Variants in GRIK2 observed in about 807,000 individuals in gnomAD.
GRIK2 encodes the protein glutamate receptor ionotropic, kainate 2.
A neutral mutation model predicts 100.3 loss-of-function variants in GRIK2; 32 were observed. The observed-to-expected ratio is 0.32, with a 90% confidence interval of 0.24 to 0.43. The LOEUF is 0.43. Ranked by LOEUF, GRIK2 falls within the 20% of genes least tolerant of loss-of-function variation. GRIK2 has a pLI of 1.00. For missense variants in GRIK2, 843 were observed against 1,114.9 expected, an observed-to-expected ratio of 0.76 and a Z score of 3.47; for synonymous variants, 417 against 389.4, an observed-to-expected ratio of 1.07 and a Z score of -0.83.
intron 4 of GRIK2, among the ~76,000 whole-genome samples, chr6:101,632,033 T>C (rs1293395325): frequency 6.6e-6 from 1 of 152,058 alleles, no homozygotes; most frequent in Non-Finnish European, 1.5e-5. Flanking sequence ...TTGTTGAAAA[T>C]AATCTTCTGT....
intron 10 of GRIK2, among the ~76,000 whole-genome samples, chr6:101,843,764 G>T (rs1239837467): frequency 6.6e-6 from 1 of 152,164 alleles, no homozygotes; most frequent in East Asian, 1.9e-4. Context: ...ATTTCTGGGG[G>T]TAAGGCCCAG....
At chr6:101,757,752 A>G (rs990478338) in intron 7 of GRIK2, among the ~76,000 whole-genome samples, 1 of 152,216 alleles carries the variant, frequency 6.6e-6, no homozygotes, top group African/African-American at 2.4e-5. Context: ...CCTTCCAGGT[A>G]CAGTTTGAAA....
chr6:101,967,150 T>G (rs932365376), intron 14 of GRIK2, among the ~76,000 whole-genome samples: 23 of 151,876 alleles, frequency 1.5e-4, no homozygotes, highest in African/African-American at 5.1e-4. Flanking sequence ...TTTATTTTAT[T>G]AGTAACCTAG....
chr6:101,594,044 C>T (rs1348850898), intron 2 of GRIK2, among the ~76,000 whole-genome samples: 1 of 151,728 alleles, frequency 6.6e-6, no homozygotes, highest in Non-Finnish European at 1.5e-5. Flanking sequence ...AAAACATTAA[C>T]CTAAATTCAC....
chr6:101,978,365 CT>C (rs1251340669), intron 14 of GRIK2, among the ~76,000 whole-genome samples: 4 of 151,954 alleles, frequency 2.6e-5, no homozygotes, highest in African/African-American at 9.7e-5. Context: ...TGATCTGGAA[CT>C]TTAAAAATGG....
At position 101,595,928 on chromosome 6, in the gene GRIK2, G is replaced by A. The variant is rs144689233; in HGVS notation, c.116-26021G>A. Among the ~76,000 whole-genome samples, 6 of 147,824 alleles carry A rather than the reference G, an allele frequency of 4.1e-5. No homozygotes were observed. The East Asian group carries it at 1.2e-3, about 30-fold the overall frequency. ...TACCCTTTTATTTACCTCTGCCCCG[G>A]TGTTCAGCTAAATATAATTCATTAA... On this transcript the variant is annotated intron_variant, in intron 2 of 16. Transcript: ENST00000369134.
intron 2 of GRIK2, among the ~76,000 whole-genome samples, chr6:101,549,031 A>G (rs760877261): frequency 6.6e-6 from 1 of 152,136 alleles, no homozygotes; most frequent in Non-Finnish European, 1.5e-5. Context: ...TTATATCATC[A>G]AAGTTTTGAG....
At chr6:101,804,019 C>A (rs535442593) in intron 9 of GRIK2, among the ~76,000 whole-genome samples, 1 of 151,752 alleles carries the variant, frequency 6.6e-6, no homozygotes, top group Non-Finnish European at 1.5e-5. Context: ...CCTCAAGGGG[C>A]TTTTCATGTA....
At chr6:101,611,722 C>T (rs1779684435) in intron 2 of GRIK2, among the ~76,000 whole-genome samples, 1 of 151,724 alleles carries the variant, frequency 6.6e-6, no homozygotes, top group Admixed American at 6.6e-5. Context: ...AGACACTCCT[C>T]CTCGCCTGGA....
chr6:101,403,643 A>G (rs566053023), intron 2 of GRIK2, among the ~76,000 whole-genome samples: 1 of 152,346 alleles, frequency 6.6e-6, no homozygotes, highest in South Asian at 2.1e-4. Context: ...GTACTGCAAC[A>G]TCGAATAGTG....
At chr6:101,433,796 A>G (rs1240415858) in intron 2 of GRIK2, among the ~76,000 whole-genome samples, 1 of 152,042 alleles carries the variant, frequency 6.6e-6, no homozygotes, top group East Asian at 1.9e-4. Flanking sequence ...AAAAGAGAAA[A>G]CTCTACATTT....
rs994317679 is a variant in GRIK2, at chr6:101,753,154, C to T, written c.952-46494C>T. Among the ~76,000 whole-genome samples, 5 of 151,676 alleles carry T rather than the reference C, an allele frequency of 3.3e-5. No individual in the cohort carries two copies. In the South Asian group the frequency reaches 8.3e-4, roughly 25 times the overall value. ...AAAATTAGCCTGGCGTGGTGGCGGG[C>T]GCCTGTAGTCCCAGCTACTTGGAGA... is the stretch of plus-strand genomic sequence containing the variant. On this transcript the variant is annotated intron_variant, in intron 7 of 16. Transcript: ENST00000369134.
chr6:101,617,237 A>T (rs1779931651), intron 2 of GRIK2, among the ~76,000 whole-genome samples: 1 of 151,732 alleles, frequency 6.6e-6, no homozygotes, highest in Non-Finnish European at 1.5e-5. Context: ...GTATCCAAGC[A>T]CTCAGATTAA....
rs192732330 is a variant in GRIK2, at chr6:101,514,499, A to C, written c.116-107450A>C. Among the ~76,000 whole-genome samples the C allele has an allele frequency of 2.9e-3, 440 of 152,274 alleles. 3 individuals are homozygous for C. Among genetic ancestry groups the C allele is most frequent in the African/African-American group, 0.01 (429 of 41,574 alleles). On this transcript the variant is annotated intron_variant, in intron 2 of 16. Transcript: ENST00000369134. ...ATATTATTTTTTAAAGAACTCATTTAATGTTAAACTTATAATTTCTCTAAT... is the reference window on the plus strand; with the variant it reads ...ATATTATTTTTTAAAGAACTCATTTCATGTTAAACTTATAATTTCTCTAAT...
chr6:101,616,512 G>C (rs1241247243), intron 2 of GRIK2, among the ~76,000 whole-genome samples: 1 of 151,600 alleles, frequency 6.6e-6, no homozygotes, highest in Non-Finnish European at 1.5e-5. Context: ...TAAATATATA[G>C]TATTTTATTA....
At position 101,612,430 on chromosome 6, in the gene GRIK2, C is replaced by G. The variant is rs966362182; in HGVS notation, c.116-9519C>G. On this transcript the variant is annotated intron_variant, in intron 2 of 16. Transcript: ENST00000369134. ...TTTTTATTAATGTTTGTAAAATACA[C>G]AGTGCCTGATGTAGCGTATGATGTC... Among the ~76,000 whole-genome samples the G allele has an allele frequency of 5.3e-5, 8 of 151,772 alleles. 1 individual carries two copies. Among genetic ancestry groups the G allele is most frequent in the Non-Finnish European group, 1.2e-4 (8 of 67,856 alleles).
chr6:101,848,200 C>T (rs1246629059), intron 10 of GRIK2, among the ~76,000 whole-genome samples: 1 of 152,076 alleles, frequency 6.6e-6, no homozygotes, highest in Non-Finnish European at 1.5e-5. Flanking sequence ...AATTAATATG[C>T]CACAGAGCTC....
chr6:101,963,738 G>A (rs1344694621), intron 14 of GRIK2, among the ~76,000 whole-genome samples: 2 of 151,766 alleles, frequency 1.3e-5, no homozygotes, highest in Non-Finnish European at 2.9e-5. Flanking sequence ...CATATTATAT[G>A]TATATATGCT....
intron 7 of GRIK2, among the ~76,000 whole-genome samples, chr6:101,711,824 A>G (rs1167161137): frequency 1.3e-5 from 2 of 151,842 alleles, no homozygotes; most frequent in East Asian, 1.9e-4. Flanking sequence ...ATCAGCTACA[A>G]TTGGCCAAAA....
Sources: allele counts gnomAD v4.1 joint callset (sites outside exome capture counted in the v4.1 genomes callset), GRCh38; gene constraint gnomAD v4.1.1; transcripts MANE v1.5; gene names NCBI Gene and HGNC (gene_info 2026-07-23, HGNC 2026-07-21).